Variants in KREMEN1 observed in about 807,000 individuals in gnomAD.
KREMEN1 encodes the protein kringle containing transmembrane protein 1, also known as kremen protein 1.
A neutral mutation model predicts 46.5 loss-of-function variants in KREMEN1; 30 were observed. The observed-to-expected ratio is 0.65, with a 90% confidence interval of 0.48 to 0.88. KREMEN1 has a LOEUF of 0.88. Among genes scored for constraint, KREMEN1 ranks in the 40% least tolerant of loss-of-function variants. KREMEN1 has a pLI of 0.00. For missense variants in KREMEN1, 533 were observed against 596.9 expected (o/e 0.89, Z 1.11); for synonymous variants, 214 against 230.6 (o/e 0.93, Z 0.65).
chr22:29,078,858 A>T (rs2037612448), intron 1 of KREMEN1, among the ~76,000 whole-genome samples: 1 of 152,252 alleles, frequency 6.6e-6, no homozygotes, highest in Non-Finnish European at 1.5e-5. Context: ...CCCCAACGCC[A>T]CTTGGCAGGT....
rs183293739 is a variant in KREMEN1 at position 29,165,121 on chromosome 22, C to T, written c.1417-1923C>T. ...CTGGGAGGTGGAGGTTGCTGTGAGC[C>T]GAGGTTGTGCCATTGCACTCCAGCC... On this transcript the variant is annotated intron_variant, in intron 9 of 9. Coordinates refer to the KREMEN1 transcript ENST00000327813. Among the ~76,000 whole-genome samples, 311 of 151,972 alleles carry T rather than the reference C, an allele frequency of 2.0e-3. 1 individual carries two copies. Among genetic ancestry groups the T allele is most frequent in the African/African-American group, 6.5e-3 (269 of 41,444 alleles).
At chr22:29,153,255 C>T (rs1189320103) in intron 9 of KREMEN1, among the ~76,000 whole-genome samples, 1 of 152,162 alleles carries the variant, frequency 6.6e-6, no homozygotes, top group Non-Finnish European at 1.5e-5. Context: ...GTCTTTGTGA[C>T]CTGTATCTTG....
chr22:29,127,823 G>A lies in KREMEN1; in HGVS notation c.631+2407G>A, dbSNP rs6005999. Among the ~76,000 whole-genome samples the A allele has an allele frequency of 6.9e-3, 1,057 of 152,122 alleles. 14 individuals are homozygous for A. The highest frequency in any genetic ancestry group is 0.024 in the African/African-American group (980 of 41,468). On this transcript the variant is annotated intron_variant, in intron 5 of 8. Coordinates refer to ENST00000400335, the MANE Select transcript of KREMEN1 (RefSeq NM_001039570.3). ...ACATTATTCATAATAGCCAAAAAGC[G>A]GCAGCAAACCAAATGTCTATCAGCT...
At chr22:29,123,200 C>T (rs2038386989) in intron 4 of KREMEN1, among the ~76,000 whole-genome samples, 1 of 151,880 alleles carries the variant, frequency 6.6e-6, no homozygotes, top group Non-Finnish European at 1.5e-5. Context: ...AAAATTGGTA[C>T]ATTTTAATTT....
chr22:29,120,614 G>A (rs557982092), intron 3 of KREMEN1, among the ~76,000 whole-genome samples: 506 of 50,110 alleles, frequency 0.01, 4 homozygotes, highest in African/African-American at 0.035. Context: ...AAGTGATGAA[G>A]GAAACGGAGG....
At chr22:29,089,677 CAAAA>C in intron 1 of KREMEN1, among the ~76,000 whole-genome samples, 1 of 152,180 alleles carries the variant, frequency 6.6e-6, no homozygotes, top group Admixed American at 6.5e-5. Flanking sequence ...ACACTTAGAA[CAAAA>C]GCCAAAATCT....
At chr22:29,095,189 C>G (rs183936111) in intron 2 of KREMEN1, among the ~76,000 whole-genome samples, 6 of 152,200 alleles carry the variant, frequency 3.9e-5, no homozygotes, top group African/African-American at 1.2e-4. Context: ...TAACCTTGCT[C>G]TGGGAACAGC....
chr22:29,115,039 C>T (rs1026795527), intron 3 of KREMEN1, among the ~76,000 whole-genome samples: 4 of 148,362 alleles, frequency 2.7e-5, no homozygotes, highest in East Asian at 2.2e-4. Flanking sequence ...AAGTGGATGT[C>T]GTTAAGTGGT....
downstream of KREMEN1, among the ~76,000 whole-genome samples, chr22:29,149,832 C>T (rs1268123121): frequency 3.9e-5 from 6 of 152,140 alleles, no homozygotes; most frequent in Non-Finnish European, 7.3e-5. Flanking sequence ...CACCCGGGAG[C>T]CAGCACCAGG....
At chr22:29,093,595 A>G (rs187481831) in intron 1 of KREMEN1, among the ~76,000 whole-genome samples, 55 of 152,282 alleles carry the variant, frequency 3.6e-4, no homozygotes, top group Non-Finnish European at 2.4e-4. Context: ...TCATCAAAAG[A>G]ATTTCAGAAA....
chr22:29,088,335 A>G (rs62236921), intron 1 of KREMEN1, among the ~76,000 whole-genome samples: 3 of 148,774 alleles, frequency 2.0e-5, no homozygotes, highest in Non-Finnish European at 4.5e-5. Context: ...ACACACGCAC[A>G]CACATATTTT....
chr22:29,167,157 G>A, exon 10 of KREMEN1: 1 of 1,402,780 alleles, frequency 7.1e-7, no homozygotes, highest in Non-Finnish European at 9.9e-7. Flanking sequence ...AATTTCAGAG[G>A]GCAGAGGGGA....
intron 5 of KREMEN1, among the ~76,000 whole-genome samples, chr22:29,129,272 G>A (rs747077943): frequency 8.0e-5 from 12 of 150,358 alleles, no homozygotes; most frequent in East Asian, 2.0e-4. Flanking sequence ...GCTTCAACCC[G>A]GGAGGTGGAG....
chr22:29,122,940 C>CAAA lies in KREMEN1; in HGVS notation c.477+1483_477+1485dup, dbSNP rs140855395. Among the ~76,000 whole-genome samples, 19 of 56,444 alleles carry CAAA rather than the reference C, an allele frequency of 3.4e-4. 1 individual carries two copies. Among genetic ancestry groups the CAAA allele is most frequent in the Non-Finnish European group, 3.2e-4 (11 of 34,730 alleles). 37.0% of individuals were successfully genotyped at this position (56,444 alleles called of 152,430 possible). ...TGGGCAACAGGGCGAGACTCTGTCT[C>CAAA]AAAAAAAAAAAAAAAAAAAAAAAAA... On this transcript the variant is annotated intron_variant, in intron 4 of 8. Transcript: ENST00000400335.
intron 1 of KREMEN1, among the ~76,000 whole-genome samples, chr22:29,076,818 C>G (rs868662700): frequency 6.6e-6 from 1 of 152,180 alleles, no homozygotes; most frequent in Admixed American, 6.5e-5. Context: ...CACCATTGCA[C>G]TCCAGCCTGG....
chr22:29,155,097 A>G (rs1024972590), intron 9 of KREMEN1, among the ~76,000 whole-genome samples: 1 of 139,178 alleles, frequency 7.2e-6, no homozygotes, highest in Non-Finnish European at 1.5e-5. Context: ...TCAAAGAACA[A>G]AGCATAAGTG....
intron 9 of KREMEN1, among the ~76,000 whole-genome samples, chr22:29,166,589 C>T (rs2039054351): frequency 6.6e-6 from 1 of 152,200 alleles, no homozygotes; most frequent in South Asian, 2.1e-4. Context: ...GTTACAGAAA[C>T]CCAGCCTCTC....
At chr22:29,147,889 T>C (rs1319007936), downstream of KREMEN1, among the ~76,000 whole-genome samples, 1 of 152,260 alleles carries the variant, frequency 6.6e-6, no homozygotes, top group Non-Finnish European at 1.5e-5. Flanking sequence ...CCTGTGTGCC[T>C]GTTTTCTCAC....
intron 3 of KREMEN1, among the ~76,000 whole-genome samples, chr22:29,103,002 T>G (rs749567494): frequency 5.9e-5 from 9 of 152,192 alleles, no homozygotes; most frequent in Non-Finnish European, 8.8e-5. Flanking sequence ...GTACTTCTAG[T>G]GTGTCTGATT....
Sources: gnomAD v4.1 joint callset for allele counts (sites outside exome capture counted in the v4.1 genomes callset) on GRCh38, gnomAD v4.1.1 for gene constraint, MANE v1.5 for transcripts, NCBI Gene and HGNC (gene_info 2026-07-23, HGNC 2026-07-21) for gene names.